Variants in MYO10 observed in about 807,000 individuals in gnomAD.
The protein encoded by MYO10 is myosin X, also known as unconventional myosin-X.
MYO10 carries 133 observed loss-of-function variants against 257.3 expected under a neutral mutation model. The ratio of observed to expected loss-of-function variants is 0.52; its 90% CI spans 0.45 to 0.60. MYO10 has a LOEUF of 0.60. Ranked by LOEUF, MYO10 falls within the 20% of genes least tolerant of loss-of-function variation. The probability of loss-of-function intolerance (pLI) is 0.00; values close to 1 mark genes in which losing one functional copy is unlikely to be tolerated. For missense variants in MYO10, 2,399 were observed against 2,635.7 expected (o/e 0.91, Z 1.97); for synonymous variants, 1,104 against 1,028.6 (o/e 1.07, Z -1.40).
chr5:16,720,018 GTGTGTA>G lies in MYO10; in HGVS notation c.1930-8779_1930-8774del, dbSNP rs1395211621. 4.1e-3 allele frequency among the ~76,000 whole-genome samples: 585 copies of G among 144,106 alleles called. 3 individuals carry two copies. Among genetic ancestry groups the G allele is most frequent in the African/African-American group, 0.014 (485 of 34,446 alleles). The allele number at this position is 144,106 out of a possible 152,430, so 94.5% of individuals were successfully genotyped here. ...TGTGTGTGTGTGTGTGTGTGTGTGT[GTGTGTA>G]TATGTATGTATGTATTAGAAGCCTC... On this transcript the variant is annotated intron_variant, in intron 19 of 40. Coordinates refer to ENST00000513610, the MANE Select transcript of MYO10 (RefSeq NM_012334.3).
At chr5:16,690,700 C>T (rs1287759063) in intron 27 of MYO10, among the ~76,000 whole-genome samples, 2 of 152,028 alleles carry the variant, frequency 1.3e-5, no homozygotes, top group African/African-American at 4.8e-5. Flanking sequence ...AGCTTAAGGC[C>T]AGGGCATCTG....
chr5:16,828,877 C>T (rs916007372), intron 2 of MYO10, among the ~76,000 whole-genome samples: 1 of 152,110 alleles, frequency 6.6e-6, no homozygotes, highest in African/African-American at 2.4e-5. Context: ...CCACCATGCC[C>T]AGCCCCAGTG....
intron 2 of MYO10, among the ~76,000 whole-genome samples, chr5:16,871,983 C>T (rs764257281): frequency 3.4e-4 from 51 of 152,190 alleles, no homozygotes; most frequent in Non-Finnish European, 1.8e-4. Flanking sequence ...GTTGTTTTCA[C>T]ATTTAAGTAC....
chr5:16,740,772 G>A (rs752616036), intron 19 of MYO10, among the ~76,000 whole-genome samples: 3 of 151,986 alleles, frequency 2.0e-5, no homozygotes, highest in East Asian at 3.9e-4. Context: ...CCAGTTTAAC[G>A]TTGTAAGAGA....
At position 16,694,380 on chromosome 5, in the gene MYO10, C is replaced by T. The variant is rs775525355; in HGVS notation, c.3791G>A (p.Arg1264Gln). 6.8e-6 allele frequency: 11 copies of T among 1,614,010 alleles called. No homozygotes were observed. The highest frequency in any genetic ancestry group is 6.6e-5 in the South Asian group (6 of 91,068). ...AGGCTTAGCAACCTACTTTGCCGTT[C>T]GCACTTCTACGGTGCCCTTGAGCTT... is the stretch of plus-strand genomic sequence containing the variant. The part of the protein sequence containing the change: ...EEKLKGTVEV[R>Q]TAKEIIDNTT... Residue 1264 changes from arginine (R) to glutamine (Q), a missense_variant, in exon 27 of 41, where the codon CGA becomes CAA. Transcript: ENST00000513610.
intron 37 of MYO10, 85 bp from the exon 38 acceptor site, chr5:16,671,627 T>G (rs1736468087): frequency 6.6e-7 from 1 of 1,513,030 alleles, no homozygotes; most frequent in Admixed American, 1.8e-5. Flanking sequence ...ACATGGTGTA[T>G]TCTAAGGACA....
At chr5:16,931,280 A>G (rs939741725) in intron 1 of MYO10, among the ~76,000 whole-genome samples, 3 of 151,954 alleles carry the variant, frequency 2.0e-5, no homozygotes, top group African/African-American at 7.3e-5. Flanking sequence ...TCAAAACAAT[A>G]ATAATAATAA....
At chr5:16,838,704 C>G (rs1190277516) in intron 2 of MYO10, among the ~76,000 whole-genome samples, 1 of 152,128 alleles carries the variant, frequency 6.6e-6, no homozygotes, top group Non-Finnish European at 1.5e-5. Context: ...CTAGAACTTC[C>G]ACAATTAAAG....
At chr5:16,694,280 C>T in intron 27 of MYO10, 91 bp downstream of exon 27, 1 of 1,564,830 alleles carries the variant, frequency 6.4e-7, no homozygotes. Context: ...CAGGCTACTG[C>T]CGCTGCAAGG....
chr5:16,762,415 G>A (rs186684421), intron 15 of MYO10, 130 bp downstream of exon 15: 1 of 787,160 alleles, frequency 1.3e-6, no homozygotes, highest in African/African-American at 1.8e-5. Flanking sequence ...TAGAAGAACA[G>A]CTTTGGTTTG....
chr5:16,823,442 C>T (rs1742890039), intron 2 of MYO10, among the ~76,000 whole-genome samples: 1 of 7,792 alleles, frequency 1.3e-4, no homozygotes, highest in Non-Finnish European at 2.6e-4. Flanking sequence ...AAGACTCCAT[C>T]TTGCGCGGGG....
intron 1 of MYO10, among the ~76,000 whole-genome samples, chr5:16,907,866 A>G (rs985259950): frequency 1.3e-5 from 2 of 152,250 alleles, no homozygotes; most frequent in South Asian, 4.1e-4. Flanking sequence ...ACTTTACTGG[A>G]AAATGTAATA....
At chr5:16,765,956 T>G (rs1007553086) in intron 11 of MYO10, 124 bp downstream of exon 11, 27 of 685,512 alleles carry the variant, frequency 3.9e-5, no homozygotes, top group Non-Finnish European at 6.0e-5. Flanking sequence ...AACCAGTCAT[T>G]TGAACAGTTA....
At chr5:16,778,847 C>T (rs535545681) in intron 9 of MYO10, among the ~76,000 whole-genome samples, 5 of 152,178 alleles carry the variant, frequency 3.3e-5, no homozygotes, top group Middle Eastern at 6.8e-3. Flanking sequence ...CCCGCCACCA[C>T]GCCCGGCTAA....
chr5:16,747,922 A>G (rs13165675), intron 19 of MYO10, among the ~76,000 whole-genome samples: 1 of 120,030 alleles, frequency 8.3e-6, no homozygotes, highest in Non-Finnish European at 1.5e-5. Flanking sequence ...CCGTCTCAAA[A>G]AAAAAAAAAA....
At chr5:16,891,341 A>AGAGAG (rs200686115) in intron 1 of MYO10, among the ~76,000 whole-genome samples, 2 of 51,714 alleles carry the variant, frequency 3.9e-5, no homozygotes, top group African/African-American at 8.2e-5. Flanking sequence ...GGAAGGAAGG[A>AGAGAG]AGGAAGGAAG....
At chr5:16,831,820 A>G (rs911794820) in intron 2 of MYO10, among the ~76,000 whole-genome samples, 9 of 152,186 alleles carry the variant, frequency 5.9e-5, no homozygotes, top group Non-Finnish European at 1.3e-4. Context: ...AATCACCACT[A>G]AAGAACTTAT....
chr5:16,933,797 C>T (rs1746360840), intron 1 of MYO10, among the ~76,000 whole-genome samples: 1 of 152,190 alleles, frequency 6.6e-6, no homozygotes, highest in African/African-American at 2.4e-5. Flanking sequence ...TTCCTTCCCA[C>T]TCAAAGTGAT....
At chr5:16,667,084 GACGCTGAAGTT>G (rs1237198609) in intron 40 of MYO10, among the ~76,000 whole-genome samples, 4 of 152,212 alleles carry the variant, frequency 2.6e-5, no homozygotes, top group African/African-American at 9.6e-5. Flanking sequence ...ACTAACCGAG[GACGCTGAAGTT>G]ACTCGGTGTC....
Sources: gnomAD v4.1 joint callset for allele counts (sites outside exome capture counted in the v4.1 genomes callset) on GRCh38, gnomAD v4.1.1 for gene constraint, MANE v1.5 for transcripts, NCBI Gene and HGNC (gene_info 2026-07-23, HGNC 2026-07-21) for gene names.